Variants in PRIM2 observed in about 807,000 individuals in gnomAD.
PRIM2 encodes the protein DNA primase subunit 2, also known as DNA primase large subunit.
PRIM2 carries 39 observed loss-of-function variants against 67.3 expected under a neutral mutation model. The ratio of observed to expected loss-of-function variants is 0.58; its 90% CI spans 0.45 to 0.76. The LOEUF is 0.76. Ranked by LOEUF, PRIM2 falls within the 30% of genes least tolerant of loss-of-function variation. The pLI, the probability that PRIM2 is intolerant of heterozygous loss-of-function variation, is 0.00. For missense variants in PRIM2, 398 were observed against 598.7 expected (o/e 0.66, Z 3.50); for synonymous variants, 143 against 198.7 (o/e 0.72, Z 2.36).
chr6:57,553,674 C>G (rs2127475706), intron 10 of PRIM2, among the ~76,000 whole-genome samples: 1 of 151,814 alleles, frequency 6.6e-6, no homozygotes, highest in East Asian at 1.9e-4. Context: ...CCTTGAGGCT[C>G]CATTACTTGC....
chr6:57,258,888 G>A, the PRIM2 span, among the ~76,000 whole-genome samples: 14 of 152,044 alleles, frequency 9.2e-5, no homozygotes, highest in African/African-American at 2.9e-4. Flanking sequence ...CCTCAAGGAC[G>A]GGAAAGCAAT....
At chr6:57,282,895 C>T in the PRIM2 span, among the ~76,000 whole-genome samples, 1 of 152,134 alleles carries the variant, frequency 6.6e-6, no homozygotes, top group African/African-American at 2.4e-5. Flanking sequence ...ACTTCCTTTA[C>T]CTGAATTATA....
the PRIM2 span, among the ~76,000 whole-genome samples, chr6:57,279,746 A>T: frequency 2.0e-5 from 3 of 152,246 alleles, no homozygotes; most frequent in Admixed American, 1.3e-4. Context: ...CCTGTGCTCA[A>T]GGGAATCACA....
intron 5 of PRIM2, among the ~76,000 whole-genome samples, chr6:57,377,761 T>TA (rs1769816935): frequency 6.6e-6 from 1 of 152,102 alleles, no homozygotes; most frequent in African/African-American, 2.4e-5. Flanking sequence ...TTTTTCCTTA[T>TA]ATAGGCCTAA....
intron 10 of PRIM2, among the ~76,000 whole-genome samples, chr6:57,579,176 C>T (rs1314562122): frequency 5.5e-5 from 8 of 144,534 alleles, no homozygotes; most frequent in Middle Eastern, 3.6e-3. Flanking sequence ...TTTTTGGATA[C>T]ATTTCTCTCT....
intron 13 of PRIM2, among the ~76,000 whole-genome samples, chr6:57,641,994 A>G (rs1224394261): frequency 8.7e-4 from 132 of 152,348 alleles, no homozygotes; most frequent in African/African-American, 2.9e-3. Flanking sequence ...ATGCCCACCA[A>G]TGATAGACTG....
chr6:57,509,172 A>AG (rs1774308938), intron 8 of PRIM2, among the ~76,000 whole-genome samples: 4 of 150,818 alleles, frequency 2.7e-5, no homozygotes, highest in Admixed American at 1.3e-4. Context: ...ACAGCTTTTT[A>AG]ACCTTTGTAT....
intron 8 of PRIM2, among the ~76,000 whole-genome samples, chr6:57,524,622 A>G (rs1774705276): frequency 1.3e-5 from 2 of 152,020 alleles, no homozygotes; most frequent in Admixed American, 1.3e-4. Flanking sequence ...AATCACTTGA[A>G]CCGGGGAGGC....
At chr6:57,262,954 T>A in the PRIM2 span, among the ~76,000 whole-genome samples, 5 of 152,102 alleles carry the variant, frequency 3.3e-5, no homozygotes, top group Non-Finnish European at 7.4e-5. Context: ...TATCAACCAC[T>A]GTGGGATGGA....
At chr6:57,296,683 T>C in the PRIM2 span, among the ~76,000 whole-genome samples, 1 of 151,928 alleles carries the variant, frequency 6.6e-6, no homozygotes, top group South Asian at 2.1e-4. Flanking sequence ...ACTTAGGATA[T>C]GTTTCCTAAA....
At chr6:57,627,345 CAA>C (rs1380620347) in intron 12 of PRIM2, among the ~76,000 whole-genome samples, 1 of 139,832 alleles carries the variant, frequency 7.2e-6, no homozygotes, top group African/African-American at 2.6e-5. Context: ...TACGAATTAC[CAA>C]AATATTGTAG....
chr6:57,533,231 C>T (rs1205305599), intron 9 of PRIM2, among the ~76,000 whole-genome samples: 1 of 151,808 alleles, frequency 6.6e-6, no homozygotes, highest in African/African-American at 2.4e-5. Flanking sequence ...CATAGGGTAG[C>T]GTACTTTGCC....
At chr6:57,498,056 A>G (rs1774046368) in intron 7 of PRIM2, among the ~76,000 whole-genome samples, 1 of 152,146 alleles carries the variant, frequency 6.6e-6, no homozygotes, top group Non-Finnish European at 1.5e-5. Context: ...TGTAAAAGTT[A>G]ATTTTATTTG....
Position 57,641,313 on chromosome 6 carries a change from C to A in PRIM2, c.1300-4615C>A, listed in dbSNP as rs1345264117. Among the ~76,000 whole-genome samples, 7 of 152,162 alleles carry A rather than the reference C, an allele frequency of 4.6e-5. No individual in the cohort carries two copies. In the East Asian group the frequency reaches 1.2e-3, roughly 25 times the overall value. On this transcript the variant is annotated intron_variant, in intron 13 of 13. Coordinates refer to ENST00000615550, the MANE Select transcript of PRIM2 (RefSeq NM_000947.5). ...AGAAGAAAACCTAGGCAAAACCAAT[C>A]AGGACATAGGCATGGGCAAAGACTT... is the stretch of plus-strand genomic sequence containing the variant.
intron 11 of PRIM2, among the ~76,000 whole-genome samples, chr6:57,605,819 A>G (rs1241469584): frequency 6.6e-6 from 1 of 152,146 alleles, no homozygotes; most frequent in East Asian, 1.9e-4. Flanking sequence ...TTGTTTTTCT[A>G]TGAAATAGTT....
chr6:57,642,201 A>G (rs1192100863), intron 13 of PRIM2, among the ~76,000 whole-genome samples: 1 of 151,912 alleles, frequency 6.6e-6, no homozygotes, highest in Non-Finnish European at 1.5e-5. Flanking sequence ...GGACACAGGG[A>G]GGGAAATATC....
At chr6:57,485,679 A>G (rs1773737733) in intron 7 of PRIM2, among the ~76,000 whole-genome samples, 2 of 152,212 alleles carry the variant, frequency 1.3e-5, no homozygotes, top group Non-Finnish European at 2.9e-5. Flanking sequence ...AGTAGTCCAC[A>G]TATCATTATC....
intron 7 of PRIM2, among the ~76,000 whole-genome samples, chr6:57,387,202 GTTCT>G (rs1770182481): frequency 6.6e-6 from 1 of 152,120 alleles, no homozygotes; most frequent in African/African-American, 2.4e-5. Flanking sequence ...TAAAATGTAA[GTTCT>G]TTGAGAGTGA....
chr6:57,472,335 C>G (rs1222393102), intron 7 of PRIM2, among the ~76,000 whole-genome samples: 7 of 150,054 alleles, frequency 4.7e-5, no homozygotes, highest in South Asian at 2.1e-4. Context: ...GAGGCTGAGG[C>G]AGGAGAATCG....
Sources: allele counts gnomAD v4.1 joint callset (sites outside exome capture counted in the v4.1 genomes callset), GRCh38; gene constraint gnomAD v4.1.1; transcripts MANE v1.5; gene names NCBI Gene and HGNC (gene_info 2026-07-23, HGNC 2026-07-21).